MYL11: variants seen among roughly 807,000 people sequenced by gnomAD.
MYL11 encodes myosin regulatory light chain 11.
At chr16:30,375,998 G>A in the MYL11 span, 2 of 1,523,852 alleles carry the variant, frequency 1.3e-6, no homozygotes, top group African/African-American at 2.7e-5. Flanking sequence ...GCTTGAAGGA[G>A]GGGAAAGGTT....
chr16:30,372,335 T>C, the MYL11 span: 11 of 152,286 alleles, frequency 7.2e-5, no homozygotes, highest in Non-Finnish European at 1.0e-4. Context: ...GGGGCCTCAG[T>C]GCCCAGAAAA....
At chr16:30,371,578 T>TAGAGG in the MYL11 span, among the ~76,000 whole-genome samples, 1 of 152,190 alleles carries the variant, frequency 6.6e-6, no homozygotes, top group Non-Finnish European at 1.5e-5. Context: ...CCCATCTATC[T>TAGAGG]GAGCTCCTCC....
chr16:30,372,816 G>A, the MYL11 span: 1 of 150,928 alleles, frequency 6.6e-6, no homozygotes, highest in Non-Finnish European at 1.5e-5. Flanking sequence ...CCCCTCAGGG[G>A]CTGGTCACCA....
chr16:30,374,988 C>T, the MYL11 span: 1 of 1,247,396 alleles, frequency 8.0e-7, no homozygotes, highest in East Asian at 2.6e-5. Context: ...TTCTCGGCAT[C>T]ACTGATGGAA....
chr16:30,377,715 C>G, the MYL11 span: 1 of 1,578,668 alleles, frequency 6.3e-7, no homozygotes, highest in African/African-American at 1.3e-5. Flanking sequence ...GAGTGGGGAC[C>G]GGGGCGGGGC....
chr16:30,373,711 G>A, the MYL11 span, among the ~76,000 whole-genome samples: 3 of 149,080 alleles, frequency 2.0e-5, no homozygotes, highest in Non-Finnish European at 4.4e-5. Flanking sequence ...GCAGTAAGCC[G>A]AGATCGCACC....
the MYL11 span, chr16:30,376,807 C>T: frequency 8.9e-7 from 1 of 1,119,208 alleles, no homozygotes; most frequent in Non-Finnish European, 1.3e-6. Context: ...TGGCTCAGGC[C>T]TATAATCCCA....
At chr16:30,372,554 G>A in the MYL11 span, among the ~76,000 whole-genome samples, 4 of 151,694 alleles carry the variant, frequency 2.6e-5, no homozygotes, top group South Asian at 8.4e-4. Flanking sequence ...GAGAAGAGAG[G>A]GTACATCAAA....
the MYL11 span, among the ~76,000 whole-genome samples, chr16:30,377,074 G>A: frequency 3.9e-5 from 6 of 152,086 alleles, no homozygotes; most frequent in Admixed American, 6.6e-5. Flanking sequence ...TTAGCTGGGC[G>A]TGGTGGCGGG....
the MYL11 span, among the ~76,000 whole-genome samples, chr16:30,375,611 G>C: frequency 3.9e-5 from 6 of 152,196 alleles, no homozygotes; most frequent in Admixed American, 2.6e-4. Flanking sequence ...GGGGGATGGA[G>C]AGTTGGAGAC....
At chr16:30,373,717 G>A in the MYL11 span, among the ~76,000 whole-genome samples, 6 of 147,524 alleles carry the variant, frequency 4.1e-5, no homozygotes, top group Non-Finnish European at 7.4e-5. Context: ...AGCCGAGATC[G>A]CACCATTGCA....
chr16:30,371,896 C>T, the MYL11 span, among the ~76,000 whole-genome samples: 5 of 152,074 alleles, frequency 3.3e-5, no homozygotes, highest in Admixed American at 1.3e-4. Flanking sequence ...AACTTCTAAA[C>T]GCCCTCTTCT....
the MYL11 span, chr16:30,376,412 A>T: frequency 6.2e-7 from 1 of 1,609,292 alleles, no homozygotes; most frequent in Non-Finnish European, 8.5e-7. Flanking sequence ...GCTTCCCCCA[A>T]CCCCCTCCAG....
chr16:30,371,396 C>G, the MYL11 span, among the ~76,000 whole-genome samples: 1 of 152,146 alleles, frequency 6.6e-6, no homozygotes, highest in Non-Finnish European at 1.5e-5. Flanking sequence ...AGTGCCCTGA[C>G]CCAGTACTCT....
At chr16:30,377,865 G>A in the MYL11 span, 1 of 1,613,870 alleles carries the variant, frequency 6.2e-7, no homozygotes, top group Admixed American at 1.7e-5. Flanking sequence ...CATCTGCTAC[G>A]TCATCACGCA....
At chr16:30,374,541 A>C in the MYL11 span, among the ~76,000 whole-genome samples, 2 of 152,118 alleles carry the variant, frequency 1.3e-5, no homozygotes, top group Non-Finnish European at 2.9e-5. Flanking sequence ...CGTCCCCTCT[A>C]AACTCTGGCA....
the MYL11 span, among the ~76,000 whole-genome samples, chr16:30,375,501 C>T: frequency 6.6e-6 from 1 of 151,404 alleles, no homozygotes; most frequent in African/African-American, 2.4e-5. Flanking sequence ...AGTAGAGGCT[C>T]AAACAGGGCA....
At chr16:30,376,729 C>T in the MYL11 span, 1 of 1,594,902 alleles carries the variant, frequency 6.3e-7, no homozygotes, top group Admixed American at 1.7e-5. Context: ...CCTTCCGACC[C>T]TTCCCCCACT....
chr16:30,374,041 A>G, the MYL11 span, among the ~76,000 whole-genome samples: 1 of 151,804 alleles, frequency 6.6e-6, no homozygotes, highest in Non-Finnish European at 1.5e-5. Flanking sequence ...GGCCAGGCGC[A>G]GTGGCTCACA....
Sources: allele counts gnomAD v4.1 joint callset (sites outside exome capture counted in the v4.1 genomes callset), GRCh38; gene constraint gnomAD v4.1.1; transcripts MANE v1.5; gene names NCBI Gene and HGNC (gene_info 2026-07-23, HGNC 2026-07-21).